The following HMCN1 variants were observed in gnomAD, a reference collection of about 807,000 sequenced individuals.
The protein encoded by HMCN1 is hemicentin 1, also known as hemicentin-1.
Under a neutral mutation model 625.9 loss-of-function variants are expected in HMCN1, and 321 were observed. The observed-to-expected ratio is 0.51, with a 90% CI of 0.47 to 0.56. The LOEUF is 0.56. Ranked by LOEUF, HMCN1 falls within the 20% of genes least tolerant of loss-of-function variation. HMCN1 has a pLI of 0.00. For synonymous variants in HMCN1, 2,425 were observed against 2,417.6 expected (o/e 1.00, Z -0.09); for missense variants, 6,588 against 6,887.3 (o/e 0.96, Z 1.54).
In HMCN1 at chr1:186,130,036, T is replaced by TTA; in HGVS notation, c.12977_12978dup (p.Val4327MetfsTer12). The TTA allele has an allele frequency of 6.2e-7, 1 of 1,613,336 alleles. No homozygotes were observed. The highest frequency in any genetic ancestry group is 8.5e-7 in the Non-Finnish European group (1 of 1,179,474). ...GAGTGTCAAAAGAGGATTCAGGTAC[T>TTA]TATGTGTGCACCGCAGAGAACAGCG... On this transcript the variant is annotated frameshift_variant, in exon 84 of 107. Transcript: ENST00000271588. LOFTEE classifies it high-confidence loss of function.
At chr1:185,782,962 C>T (rs571621492) in intron 1 of HMCN1, among the ~76,000 whole-genome samples, 1 of 152,284 alleles carries the variant, frequency 6.6e-6, no homozygotes, top group South Asian at 2.1e-4. Context: ...GTTCCATTCT[C>T]CCCATTGCTT....
At chr1:186,120,690 A>G (rs1275335865) in intron 80 of HMCN1, among the ~76,000 whole-genome samples, 1 of 152,270 alleles carries the variant, frequency 6.6e-6, no homozygotes, top group African/African-American at 2.4e-5. Flanking sequence ...GAATTAGCTT[A>G]AATGTCTTAT....
At chr1:186,104,575 A>G (rs1348270273) in intron 69 of HMCN1, among the ~76,000 whole-genome samples, 1 of 152,190 alleles carries the variant, frequency 6.6e-6, no homozygotes, top group East Asian at 1.9e-4. Flanking sequence ...TGTGCTATCT[A>G]TCCCACCCAT....
chr1:185,952,486 T>G (rs1022661567), intron 11 of HMCN1, among the ~76,000 whole-genome samples: 13 of 151,746 alleles, frequency 8.6e-5, no homozygotes, highest in East Asian at 3.9e-4. Flanking sequence ...GTTGCACTGG[T>G]CACAGAGACT....
At chr1:186,010,151 A>G (rs1206154375) in intron 30 of HMCN1, among the ~76,000 whole-genome samples, 1 of 151,950 alleles carries the variant, frequency 6.6e-6, no homozygotes, top group Non-Finnish European at 1.5e-5. Context: ...CCTAAATTGC[A>G]TAAAAGTCTT....
chr1:185,851,788 T>A (rs2102330080), intron 2 of HMCN1, among the ~76,000 whole-genome samples: 1 of 151,832 alleles, frequency 6.6e-6, no homozygotes, highest in East Asian at 1.9e-4. Flanking sequence ...AGTCAAACAT[T>A]CAAAGTGTAA....
rs140548319 is a variant in HMCN1, at chr1:186,168,879, C to T, written c.15574+1937C>T. On this transcript the variant is annotated intron_variant, in intron 100 of 106. Coordinates refer to ENST00000271588, the MANE Select transcript of HMCN1 (RefSeq NM_031935.3). ...GCTGCACCCATCAACCCGTCACCTA[C>T]ATTAGGTATTTCTCCTAATGCTATC... 4.4e-4 allele frequency among the ~76,000 whole-genome samples: 67 copies of T among 152,204 alleles called. No homozygotes were observed. The East Asian group carries it at 9.9e-3, about 22-fold the overall frequency.
intron 1 of HMCN1, among the ~76,000 whole-genome samples, chr1:185,778,295 C>T (rs1340974801): frequency 2.6e-5 from 4 of 151,904 alleles, no homozygotes; most frequent in Non-Finnish European, 4.4e-5. Context: ...GTGTGTTTCT[C>T]TATGAAGGCT....
chr1:185,928,122 A>T (rs1254856698), intron 9 of HMCN1, among the ~76,000 whole-genome samples: 1 of 152,154 alleles, frequency 6.6e-6, no homozygotes, highest in Non-Finnish European at 1.5e-5. Flanking sequence ...TTATCTTCTT[A>T]GAATCAAAAA....
At position 185,783,516 on chromosome 1, in the gene HMCN1, G is replaced by A. The variant is rs192210364; in HGVS notation, c.268+48469G>A. Among the ~76,000 whole-genome samples the A allele has an allele frequency of 6.5e-3, 989 of 152,206 alleles. 8 individuals are homozygous for A. The highest frequency in any genetic ancestry group is 0.023 in the African/African-American group (938 of 41,512). ...CTTTGATGATGGTGACGTACGGATG[G>A]GGTTTTGGTGTGGATGTCCTTTCTG... is the stretch of plus-strand genomic sequence containing the variant. On this transcript the variant is annotated intron_variant, in intron 1 of 106. Transcript: ENST00000271588.
chr1:185,775,070 A>G (rs1656501333), intron 1 of HMCN1, among the ~76,000 whole-genome samples: 1 of 152,184 alleles, frequency 6.6e-6, no homozygotes, highest in South Asian at 2.1e-4. Flanking sequence ...GAACAATCTG[A>G]CATTCGGAGA....
At chr1:186,110,268 A>C (rs1003699441) in intron 71 of HMCN1, among the ~76,000 whole-genome samples, 1 of 152,206 alleles carries the variant, frequency 6.6e-6, no homozygotes, top group African/African-American at 2.4e-5. Context: ...TTGACTAGAA[A>C]GCAGAGTATA....
At position 185,857,363 on chromosome 1, in the gene HMCN1, A is replaced by G. The variant is rs56039522; in HGVS notation, c.340-7107A>G. Among the ~76,000 whole-genome samples, 1,228 of 152,200 alleles carry G rather than the reference A, an allele frequency of 8.1e-3. 22 individuals carry two copies. Among genetic ancestry groups the G allele is most frequent in the African/African-American group, 0.028 (1,171 of 41,466 alleles). On this transcript the variant is annotated intron_variant, in intron 2 of 106. Coordinates refer to ENST00000271588, the MANE Select transcript of HMCN1 (RefSeq NM_031935.3). ...ACTAATTATCTATATTTCAGGGTTC[A>G]AATAAAAGCACAGGTTAACAAACTC...
intron 1 of HMCN1, among the ~76,000 whole-genome samples, 199 bp from the exon 2 acceptor site, chr1:185,845,827 C>G (rs934779997): frequency 2.0e-5 from 3 of 152,164 alleles, no homozygotes; most frequent in African/African-American, 7.2e-5. Context: ...AAAATTCACT[C>G]TTTTAGATAT....
intron 103 of HMCN1, among the ~76,000 whole-genome samples, chr1:186,174,911 T>A (rs1420814679): frequency 6.6e-6 from 1 of 152,220 alleles, no homozygotes; most frequent in Non-Finnish European, 1.5e-5. Flanking sequence ...TCTGATATAA[T>A]TGCCATCACA....
chr1:186,001,607 G>A lies in HMCN1; in HGVS notation c.4214G>A (p.Ser1405Asn). The change falls in exon 28 of 107, where the codon AGC becomes AAC. Residue 1405 changes from serine to asparagine, a missense_variant. Transcript: ENST00000271588. ...YKDNVQVTES[S>N]TIQTVNNGKI... The stretch of plus-strand genomic sequence containing the variant: ...TGGCCCTTAAAGGTGACTGAAAGCA[G>A]CACTATTCAGACTGTGAACAATGGG... 3 of 1,613,116 alleles carry A rather than the reference G, an allele frequency of 1.9e-6. No individual in the cohort carries two copies. The highest frequency in any genetic ancestry group is 1.1e-5 in the South Asian group (1 of 91,052).
intron 97 of HMCN1, among the ~76,000 whole-genome samples, chr1:186,159,571 CTTA>C (rs1169295913): frequency 3.3e-5 from 5 of 152,112 alleles, no homozygotes; most frequent in Non-Finnish European, 7.3e-5. Context: ...ATAGATAGCT[CTTA>C]TTATTTTGAG....
chr1:185,929,015 GATT>G (rs1667413764), intron 10 of HMCN1, among the ~76,000 whole-genome samples: 2 of 151,624 alleles, frequency 1.3e-5, no homozygotes, highest in African/African-American at 4.9e-5. Context: ...AGACATTAGT[GATT>G]ATTATTATTG....
chr1:186,003,079 A>G (rs1653304836), intron 28 of HMCN1, among the ~76,000 whole-genome samples: 1 of 152,056 alleles, frequency 6.6e-6, no homozygotes, highest in South Asian at 2.1e-4. Context: ...CACAAATATG[A>G]TTACATCCCA....
Sources: gnomAD v4.1 joint callset for allele counts (sites outside exome capture counted in the v4.1 genomes callset) on GRCh38, gnomAD v4.1.1 for gene constraint, MANE v1.5 for transcripts, NCBI Gene and HGNC (gene_info 2026-07-23, HGNC 2026-07-21) for gene names.